PHLPP1: variants seen among roughly 807,000 people sequenced by gnomAD.
PHLPP1 encodes PH domain leucine-rich repeat-containing protein phosphatase 1.
PHLPP1 carries 42 observed loss-of-function variants against 117.2 expected under a neutral mutation model. That is an observed-to-expected ratio of 0.36 (90% CI 0.28 to 0.46). The LOEUF is 0.46. Among genes scored for constraint, PHLPP1 ranks in the 20% least tolerant of loss-of-function variants. The pLI, the probability that PHLPP1 is intolerant of heterozygous loss-of-function variation, is 1.00. For missense variants in PHLPP1, 2,084 were observed against 2,241.9 expected (o/e 0.93, Z 1.42); for synonymous variants, 1,042 against 970.7 (o/e 1.07, Z -1.37).
chr18:62,838,124 A>T (rs1022974932), intron 2 of PHLPP1: 3 of 151,898 alleles, frequency 2.0e-5, no homozygotes, highest in Admixed American at 2.0e-4. Context: ...ACAGATTTTG[A>T]TATGTAGTTT....
At chr18:62,842,217 C>T (rs570604936) in intron 3 of PHLPP1, among the ~76,000 whole-genome samples, 2 of 152,172 alleles carry the variant, frequency 1.3e-5, no homozygotes, top group East Asian at 1.9e-4. Flanking sequence ...TATAAAGACA[C>T]GGGTCTTAGT....
At chr18:62,746,953 T>C (rs1203544295) in intron 1 of PHLPP1, among the ~76,000 whole-genome samples, 1 of 152,212 alleles carries the variant, frequency 6.6e-6, no homozygotes, top group African/African-American at 2.4e-5. Flanking sequence ...TTCTAATTGT[T>C]CTAGACTCAG....
chr18:62,839,150 C>T, intron 3 of PHLPP1: 1 of 436,290 alleles, frequency 2.3e-6, no homozygotes, highest in South Asian at 3.5e-5. Context: ...TGTAAACAGG[C>T]ATTACTATCT....
intron 2 of PHLPP1, among the ~76,000 whole-genome samples, chr18:62,835,127 T>C (rs541452265): frequency 6.6e-6 from 1 of 152,256 alleles, no homozygotes; most frequent in African/African-American, 2.4e-5. Context: ...TCCTTTTCTT[T>C]GTCTTACTGT....
At chr18:62,875,428 G>A (rs1402684964) in intron 4 of PHLPP1, among the ~76,000 whole-genome samples, 1 of 152,072 alleles carries the variant, frequency 6.6e-6, no homozygotes, top group African/African-American at 2.4e-5. Context: ...AGTTAAGCCT[G>A]TTTTTGTAAA....
chr18:62,748,689 A>G (rs1599024427), intron 1 of PHLPP1, among the ~76,000 whole-genome samples: 1 of 152,102 alleles, frequency 6.6e-6, no homozygotes, highest in East Asian at 1.9e-4. Context: ...GTTACTGTTT[A>G]CTTGGTATAT....
chr18:62,824,771 G>T (rs1035633195), intron 1 of PHLPP1, among the ~76,000 whole-genome samples: 1 of 151,912 alleles, frequency 6.6e-6, no homozygotes, highest in Non-Finnish European at 1.5e-5. Context: ...AAATGACAAG[G>T]TCTTACTGTG....
At chr18:62,802,283 A>G (rs1425508276) in intron 1 of PHLPP1, among the ~76,000 whole-genome samples, 3 of 152,226 alleles carry the variant, frequency 2.0e-5, no homozygotes, top group Non-Finnish European at 2.9e-5. Flanking sequence ...CTGAACAGCA[A>G]GAAAACAGTG....
At chr18:62,977,704 A>G (rs977818411) in intron 16 of PHLPP1, among the ~76,000 whole-genome samples, 1 of 152,220 alleles carries the variant, frequency 6.6e-6, no homozygotes, top group African/African-American at 2.4e-5. Context: ...GGACCTTTAG[A>G]CACTACTGCC....
chr18:62,807,488 C>A (rs1377066062), intron 1 of PHLPP1, among the ~76,000 whole-genome samples: 2 of 152,112 alleles, frequency 1.3e-5, no homozygotes, highest in African/African-American at 2.4e-5. Flanking sequence ...TAAAATAGGA[C>A]TAAGATGTTT....
intron 4 of PHLPP1, among the ~76,000 whole-genome samples, chr18:62,886,203 T>A (rs1268987135): frequency 2.6e-5 from 4 of 152,314 alleles, no homozygotes; most frequent in African/African-American, 9.6e-5. Flanking sequence ...GATTCTACCA[T>A]CTCTTCCCTG....
rs547688857 is a variant in PHLPP1, at chr18:62,860,426, C to A, written c.1900-9C>A. On this transcript the variant is annotated splice_polypyrimidine_tract_variant and intron_variant, in intron 3 of 16. Coordinates refer to ENST00000262719, the MANE Select transcript of PHLPP1 (RefSeq NM_194449.4). ...GATGGTATTAAAATTAAGTTTTATCCCCCTTTAGGTTGCATCCCAGCGCAT... is the reference window on the plus strand; with the variant it reads ...GATGGTATTAAAATTAAGTTTTATCACCCTTTAGGTTGCATCCCAGCGCAT... The A allele has an allele frequency of 3.2e-5, 51 of 1,611,554 alleles. No individual in the cohort carries two copies. Among genetic ancestry groups the A allele is most frequent in the African/African-American group, 4.0e-5 (3 of 74,902 alleles).
At chr18:62,877,747 G>C (rs1916083454) in intron 4 of PHLPP1, among the ~76,000 whole-genome samples, 1 of 152,166 alleles carries the variant, frequency 6.6e-6, no homozygotes, top group Admixed American at 6.5e-5. Context: ...GAGAATTTGA[G>C]CAAAGCAGAG....
At chr18:62,913,760 T>G (rs1599117247) in intron 8 of PHLPP1, among the ~76,000 whole-genome samples, 1 of 148,372 alleles carries the variant, frequency 6.7e-6, no homozygotes, top group African/African-American at 2.5e-5. Flanking sequence ...TTTTTTTTTT[T>G]GAGACAGAGT....
chr18:62,852,034 A>C (rs936144552), intron 3 of PHLPP1, among the ~76,000 whole-genome samples: 1 of 150,782 alleles, frequency 6.6e-6, no homozygotes, highest in South Asian at 2.1e-4. Context: ...GTGCCACCAC[A>C]CCTGGCCAAT....
intron 1 of PHLPP1, among the ~76,000 whole-genome samples, chr18:62,719,279 A>G (rs966533269): frequency 2.0e-5 from 3 of 152,186 alleles, no homozygotes; most frequent in African/African-American, 7.2e-5. Context: ...GAAGTTGTCT[A>G]ATTGCTTATT....
chr18:62,843,616 A>G (rs1915106843), intron 3 of PHLPP1, among the ~76,000 whole-genome samples: 1 of 152,230 alleles, frequency 6.6e-6, no homozygotes, highest in Non-Finnish European at 1.5e-5. Flanking sequence ...ACACTGTGGG[A>G]GAGCTCTTTT....
At chr18:62,905,170 C>T (rs1338712373) in intron 7 of PHLPP1, 54 bp from the exon 8 acceptor site, 8 of 1,118,262 alleles carry the variant, frequency 7.2e-6, no homozygotes, top group East Asian at 2.6e-5. Flanking sequence ...CAAAAAGAGT[C>T]TCTATGTCAT....
At chr18:62,722,668 CAA>C (rs1910957994) in intron 1 of PHLPP1, among the ~76,000 whole-genome samples, 1 of 152,056 alleles carries the variant, frequency 6.6e-6, no homozygotes, top group South Asian at 2.1e-4. Flanking sequence ...TATAATTAAA[CAA>C]AATCCACCAT....
Sources: allele counts gnomAD v4.1 joint callset (sites outside exome capture counted in the v4.1 genomes callset), GRCh38; gene constraint gnomAD v4.1.1; transcripts MANE v1.5; gene names NCBI Gene and HGNC (gene_info 2026-07-23, HGNC 2026-07-21).